The following CCDC170 variants were observed in gnomAD, a reference collection of about 807,000 sequenced individuals.
The protein encoded by CCDC170 is coiled-coil domain-containing protein 170.
A neutral mutation model predicts 72.6 loss-of-function variants in CCDC170; 69 were observed. The ratio of observed to expected loss-of-function variants is 0.95; its 90% CI spans 0.78 to 1.16. CCDC170 has a LOEUF of 1.16. CCDC170 is among the 50% of genes most tolerant of loss of function. The pLI, the probability that CCDC170 is intolerant of heterozygous loss-of-function variation, is 0.00. For synonymous variants in CCDC170, 300 were observed against 303.9 expected (o/e 0.99, Z 0.13); for missense variants, 852 against 832.5 (o/e 1.02, Z -0.29).
chr6:151,582,737 G>T (rs2115101062), intron 6 of CCDC170, among the ~76,000 whole-genome samples: 2 of 152,238 alleles, frequency 1.3e-5, no homozygotes, highest in East Asian at 3.9e-4. Context: ...GCATCACATG[G>T]CCAGAGAGAA....
At position 151,586,727 on chromosome 6, in the gene CCDC170, A is replaced by G. The variant is rs892766184; in HGVS notation, c.1293+638A>G. On this transcript the variant is annotated intron_variant, in intron 7 of 10. Coordinates refer to ENST00000239374, the MANE Select transcript of CCDC170 (RefSeq NM_025059.4). ...GATGGAGTGTTCTTTACTCTGTAGAATATGAAGTGTGGTAAGTGTGAGCAT... is the reference window on the plus strand; with the variant it reads ...GATGGAGTGTTCTTTACTCTGTAGAGTATGAAGTGTGGTAAGTGTGAGCAT... Among the ~76,000 whole-genome samples the G allele has an allele frequency of 2.0e-5, 3 of 152,190 alleles. 1 individual carries two copies. In the South Asian group the frequency reaches 6.2e-4, roughly 32 times the overall value.
At chr6:151,507,264 A>G (rs910700348) in intron 1 of CCDC170, among the ~76,000 whole-genome samples, 5 of 152,138 alleles carry the variant, frequency 3.3e-5, no homozygotes, top group African/African-American at 1.2e-4. Flanking sequence ...CGGTAGCCTA[A>G]CATACTTTTA....
At chr6:151,600,389 G>A (rs963777419) in intron 9 of CCDC170, among the ~76,000 whole-genome samples, 2 of 152,104 alleles carry the variant, frequency 1.3e-5, no homozygotes, top group East Asian at 1.9e-4. Context: ...ACTCAATCCC[G>A]CTAACAGTCC....
chr6:151,548,212 A>G (rs963559559), intron 4 of CCDC170, 92 bp from the exon 5 acceptor site: 7 of 1,107,482 alleles, frequency 6.3e-6, no homozygotes, highest in African/African-American at 1.6e-5. Context: ...TACATTTTTC[A>G]TATGATAATG....
At chr6:151,502,813 A>G (rs929844021) in intron 1 of CCDC170, among the ~76,000 whole-genome samples, 3 of 152,082 alleles carry the variant, frequency 2.0e-5, no homozygotes, top group Non-Finnish European at 4.4e-5. Flanking sequence ...TCCTTGACCA[A>G]CTCTAAAATG....
At chr6:151,511,132 T>C (rs1782143416) in intron 1 of CCDC170, among the ~76,000 whole-genome samples, 1 of 152,208 alleles carries the variant, frequency 6.6e-6, no homozygotes, top group African/African-American at 2.4e-5. Context: ...TGTATCTTGG[T>C]CGACTGTCTA....
At chr6:151,617,591 G>A (rs1396915640) in intron 10 of CCDC170, among the ~76,000 whole-genome samples, 1 of 152,002 alleles carries the variant, frequency 6.6e-6, no homozygotes, top group African/African-American at 2.4e-5. Context: ...CTGAATTTCA[G>A]GGCAGCCCTT....
rs138277667 is a variant in CCDC170, at chr6:151,500,284, A to C, written c.57+6099A>C. On this transcript the variant is annotated intron_variant, in intron 1 of 10. Coordinates refer to ENST00000239374, the MANE Select transcript of CCDC170 (RefSeq NM_025059.4). ...TAAGAAGAGATCTGACTCTAGTTGCATGTCTTCATATGAACTTAAGTCAGA... is the reference window on the plus strand; with the variant it reads ...TAAGAAGAGATCTGACTCTAGTTGCCTGTCTTCATATGAACTTAAGTCAGA... 3.2e-3 allele frequency among the ~76,000 whole-genome samples: 478 copies of C among 150,028 alleles called. 4 individuals carry two copies. The highest frequency in any genetic ancestry group is 0.01 in the African/African-American group (424 of 40,858).
At chr6:151,608,972 C>T (rs1240624422) in intron 9 of CCDC170, among the ~76,000 whole-genome samples, 4 of 152,194 alleles carry the variant, frequency 2.6e-5, no homozygotes, top group Admixed American at 6.5e-5. Context: ...TGTTAGGGAT[C>T]TCCCACTTAC....
At chr6:151,514,820 C>G (rs1782211823) in intron 1 of CCDC170, among the ~76,000 whole-genome samples, 1 of 152,326 alleles carries the variant, frequency 6.6e-6, no homozygotes, top group Non-Finnish European at 1.5e-5. Context: ...TGAGGAGCCT[C>G]TTGCTTCAGT....
chr6:151,531,173 T>A (rs1413491898), intron 1 of CCDC170, among the ~76,000 whole-genome samples: 1 of 152,176 alleles, frequency 6.6e-6, no homozygotes, highest in Non-Finnish European at 1.5e-5. Context: ...TATTAGGAGA[T>A]GGGACCTTTG....
At chr6:151,536,255 C>A in intron 1 of CCDC170, 63 bp from the exon 2 acceptor site, 1 of 1,581,408 alleles carries the variant, frequency 6.3e-7, no homozygotes. Flanking sequence ...CTTTGTGCAG[C>A]TGCACGGAAA....
At chr6:151,511,423 C>G (rs1302055353) in intron 1 of CCDC170, among the ~76,000 whole-genome samples, 3 of 152,208 alleles carry the variant, frequency 2.0e-5, no homozygotes, top group Non-Finnish European at 2.9e-5. Flanking sequence ...ATCTTCCCAT[C>G]CATGTGCTCA....
chr6:151,572,934 G>A (rs971280625), intron 5 of CCDC170, among the ~76,000 whole-genome samples: 10 of 151,968 alleles, frequency 6.6e-5, no homozygotes, highest in African/African-American at 2.2e-4. Flanking sequence ...TTACAGGTGT[G>A]AGCCACCACG....
At chr6:151,573,813 A>C (rs1776264286) in intron 6 of CCDC170, among the ~76,000 whole-genome samples, 1 of 152,152 alleles carries the variant, frequency 6.6e-6, no homozygotes. Flanking sequence ...GCATGGGAAA[A>C]AGCTACCCCC....
chr6:151,511,053 T>C (rs961110537), intron 1 of CCDC170, among the ~76,000 whole-genome samples: 2 of 152,124 alleles, frequency 1.3e-5, no homozygotes, highest in Non-Finnish European at 2.9e-5. Context: ...AAGTATTTTA[T>C]AGATGTTTTA....
rs761189929 is a variant in CCDC170 at position 151,593,145 on chromosome 6, G to T, written c.1332G>T (p.Lys444Asn). Residue 444 changes from lysine to asparagine, a missense_variant, in exon 8 of 11, where the codon AAG (lysine) becomes AAT (asparagine). Lys to Asn is a moderately conservative substitution (Grantham distance 94). Coordinates refer to ENST00000239374, the MANE Select transcript of CCDC170 (RefSeq NM_025059.4). ...TGGATCAGCTTTCTCAGAAAATGAA[G>T]TTGGACCAGATGGCTGCCGAACTTG... The part of the protein sequence containing the change: ...KFLDQLSQKM[K>N]LDQMAAELGF... The T allele has an allele frequency of 6.2e-7, 1 of 1,614,216 alleles. No individual in the cohort carries two copies. The highest frequency in any genetic ancestry group is 1.7e-5 in the Admixed American group (1 of 60,032).
chr6:151,618,233 C>T lies in CCDC170; in HGVS notation c.*86C>T. The T allele has an allele frequency of 8.3e-6, 10 of 1,202,126 alleles. No individual in the cohort carries two copies. The highest frequency in any genetic ancestry group is 1.2e-5 in the Non-Finnish European group (10 of 834,538). The allele number at this position is 1,202,126 out of a possible 1,614,324, so 74.5% of individuals were successfully genotyped here. A position where few individuals can be genotyped will look rare whatever the true frequency, so the allele number is the denominator to read the frequency against. ...ATTCCTCATGTCTTTGAGATTTGAT[C>T]AGTTTGTGAATATTTTATGCTTTGA... On this transcript the variant is annotated 3_prime_UTR_variant, in exon 11 of 11. Coordinates refer to ENST00000239374, the MANE Select transcript of CCDC170 (RefSeq NM_025059.4).
chr6:151,560,733 C>T (rs1192542890), intron 5 of CCDC170, among the ~76,000 whole-genome samples: 5 of 151,958 alleles, frequency 3.3e-5, no homozygotes, highest in Non-Finnish European at 7.4e-5. Flanking sequence ...TTTCTTCTTA[C>T]TGTTGTAGGT....
Sources: gnomAD v4.1 joint callset for allele counts (sites outside exome capture counted in the v4.1 genomes callset) on GRCh38, gnomAD v4.1.1 for gene constraint, MANE v1.5 for transcripts, NCBI Gene and HGNC (gene_info 2026-07-23, HGNC 2026-07-21) for gene names.